NR3C2: variants seen among roughly 807,000 people sequenced by gnomAD.
NR3C2 encodes mineralocorticoid receptor.
NR3C2 carries 15 observed loss-of-function variants against 86.4 expected under a neutral mutation model. The ratio of observed to expected loss-of-function variants is 0.17; its 90% CI spans 0.12 to 0.27. The LOEUF (loss-of-function observed/expected upper bound fraction) is 0.27. Ranked by LOEUF, NR3C2 falls within the 10% of genes least tolerant of loss-of-function variation. NR3C2 has a pLI of 1.00. For missense variants in NR3C2, 960 were observed against 1,195.6 expected (o/e 0.80, Z 2.91); for synonymous variants, 458 against 450.5 (o/e 1.02, Z -0.21).
chr4:148,444,235 A>G (rs1486190614), upstream of NR3C2: 1 of 944,072 alleles, frequency 1.1e-6, no homozygotes, highest in Non-Finnish European at 1.3e-6. Context: ...TGTCTCTTTT[A>G]CTAAGTTTTT....
chr4:148,181,046 G>A (rs1172753658), intron 4 of NR3C2, among the ~76,000 whole-genome samples: 1 of 152,158 alleles, frequency 6.6e-6, no homozygotes, highest in Non-Finnish European at 1.5e-5. Flanking sequence ...CACTCTAGGA[G>A]GGAAAGGGGG....
chr4:148,379,318 G>C (rs941263669), intron 2 of NR3C2, among the ~76,000 whole-genome samples: 5 of 151,888 alleles, frequency 3.3e-5, no homozygotes, highest in African/African-American at 1.2e-4. Flanking sequence ...AATCCTGTCA[G>C]GCATATAGCT....
At chr4:148,255,079 C>G (rs901729642) in intron 3 of NR3C2, among the ~76,000 whole-genome samples, 1 of 152,036 alleles carries the variant, frequency 6.6e-6, no homozygotes, top group African/African-American at 2.4e-5. Context: ...ACTGCCCCCC[C>G]CCAACACACA....
chr4:148,368,604 A>C (rs1020517075), intron 2 of NR3C2: 1 of 152,142 alleles, frequency 6.6e-6, no homozygotes, highest in Non-Finnish European at 1.5e-5. Context: ...TTGCATGCAC[A>C]ATAGGCGTCT....
intron 2 of NR3C2, among the ~76,000 whole-genome samples, chr4:148,399,341 C>T (rs1292007981): frequency 1.3e-5 from 2 of 151,972 alleles, no homozygotes; most frequent in Admixed American, 6.6e-5. Context: ...TTATCATTCA[C>T]ATACTTTTAA....
intron 7 of NR3C2, among the ~76,000 whole-genome samples, chr4:148,117,274 G>A (rs1441853102): frequency 1.3e-5 from 2 of 152,180 alleles, no homozygotes; most frequent in Non-Finnish European, 2.9e-5. Context: ...AACCTGTGCT[G>A]GCCAAATAAA....
Position 148,081,389 on chromosome 4 carries a change from C to T in NR3C2, c.2910G>A (p.Lys970=), listed in dbSNP as rs755576436. ...GCGGCTTGGCGTTCCCCGACTCCAC[C>T]TTGGGCAGCTGGTCGCTGATGATCT... ...LVEIISDQLP[K]VESGNAKPLY... Residue 970 remains lysine, a synonymous_variant, in exon 9 of 9, where the codon AAG becomes AAA. Coordinates refer to ENST00000358102, the MANE Select transcript of NR3C2 (RefSeq NM_000901.5). 6.2e-7 allele frequency: 1 copy of T among 1,614,166 alleles called. No homozygotes were observed. Among genetic ancestry groups the T allele is most frequent in the South Asian group, 1.1e-5 (1 of 91,076 alleles).
intron 2 of NR3C2, among the ~76,000 whole-genome samples, chr4:148,386,505 C>T (rs1406863446): frequency 3.9e-5 from 6 of 152,174 alleles, no homozygotes; most frequent in Admixed American, 2.6e-4. Flanking sequence ...ACCGAGTAAA[C>T]TGTAAACAAC....
In NR3C2 at chr4:148,175,877, T is replaced by C. The variant is rs371028013; in HGVS notation, c.2014+18869A>G. Among the ~76,000 whole-genome samples, 28 of 152,332 alleles carry C rather than the reference T, an allele frequency of 1.8e-4. No homozygotes were observed. In the South Asian group the frequency reaches 5.4e-3, roughly 29 times the overall value. On this transcript the variant is annotated intron_variant, in intron 4 of 8. Coordinates refer to ENST00000358102, the MANE Select transcript of NR3C2 (RefSeq NM_000901.5). ...TTTTTAGCCAGGCATGTGCCTGTAG[T>C]CCCAGCTACTCGGGAGGCTGAGGCG...
chr4:148,366,421 C>T, intron 2 of NR3C2, among the ~76,000 whole-genome samples: 1 of 178 alleles, frequency 5.6e-3, no homozygotes, highest in African/African-American at 0.029. Context: ...AAATTCACTC[C>T]TTGAAAAAGA....
intron 2 of NR3C2, among the ~76,000 whole-genome samples, chr4:148,354,682 A>G (rs1452041662): frequency 6.6e-6 from 1 of 152,224 alleles, no homozygotes; most frequent in African/African-American, 2.4e-5. Flanking sequence ...ACAATAATGG[A>G]AGATTAATAT....
At chr4:148,350,449 T>C (rs1745218268) in intron 2 of NR3C2, among the ~76,000 whole-genome samples, 1 of 152,148 alleles carries the variant, frequency 6.6e-6, no homozygotes, top group Non-Finnish European at 1.5e-5. Context: ...CTGATACTAA[T>C]ACATTAATAG....
At chr4:148,217,444 C>T (rs116840252) in intron 3 of NR3C2, among the ~76,000 whole-genome samples, 1 of 152,222 alleles carries the variant, frequency 6.6e-6, no homozygotes, top group South Asian at 2.1e-4. Context: ...GCCAGTCATA[C>T]CTTCCTGAAC....
intron 2 of NR3C2, among the ~76,000 whole-genome samples, chr4:148,277,716 A>T (rs1286103981): frequency 6.6e-6 from 1 of 152,216 alleles, no homozygotes; most frequent in African/African-American, 2.4e-5. Flanking sequence ...GTTGTACACA[A>T]ATGGTGACCA....
chr4:148,263,067 G>A (rs1004404524), intron 2 of NR3C2, among the ~76,000 whole-genome samples: 8 of 152,058 alleles, frequency 5.3e-5, no homozygotes, highest in African/African-American at 1.7e-4. Flanking sequence ...CTGCCAGAAT[G>A]ACCCTTATGC....
At chr4:148,377,929 C>T (rs771206118) in intron 2 of NR3C2, among the ~76,000 whole-genome samples, 18 of 152,204 alleles carry the variant, frequency 1.2e-4, no homozygotes, top group South Asian at 2.1e-4. Flanking sequence ...AAATGAAGAC[C>T]GGGCAAGCAT....
At chr4:148,123,665 T>C (rs190195337) in intron 6 of NR3C2, among the ~76,000 whole-genome samples, 9 of 152,358 alleles carry the variant, frequency 5.9e-5, no homozygotes, top group Non-Finnish European at 1.0e-4. Flanking sequence ...CCAACACTTA[T>C]GGAAAATAGA....
intron 6 of NR3C2, among the ~76,000 whole-genome samples, chr4:148,132,090 T>A (rs1733068300): frequency 6.6e-6 from 1 of 152,228 alleles, no homozygotes; most frequent in South Asian, 2.1e-4. Flanking sequence ...AGTCAGCAGT[T>A]TCTTCAGGGT....
chr4:148,126,045 G>A (rs142075648), intron 6 of NR3C2, among the ~76,000 whole-genome samples: 1 of 152,304 alleles, frequency 6.6e-6, no homozygotes, highest in South Asian at 2.1e-4. Flanking sequence ...ATACTGTGCG[G>A]CTTGAAAAAT....
Sources: allele counts gnomAD v4.1 joint callset (sites outside exome capture counted in the v4.1 genomes callset), GRCh38; gene constraint gnomAD v4.1.1; transcripts MANE v1.5; gene names NCBI Gene and HGNC (gene_info 2026-07-23, HGNC 2026-07-21).